The following PCNA variants were observed in gnomAD, a reference collection of about 807,000 sequenced individuals.
The protein encoded by PCNA is DNA sliding clamp PCNA.
PCNA carries 4 observed loss-of-function variants against 27.8 expected under a neutral mutation model. The observed-to-expected ratio is 0.14, with a 90% CI of 0.07 to 0.33. The LOEUF (loss-of-function observed/expected upper bound fraction) is 0.33. Among genes scored for constraint, PCNA ranks in the 10% least tolerant of loss-of-function variants. The probability of loss-of-function intolerance (pLI) is 1.00; values close to 1 mark genes in which losing one functional copy is unlikely to be tolerated. For missense variants in PCNA, 165 were observed against 327.4 expected, an observed-to-expected ratio of 0.50 and a Z score of 3.83; for synonymous variants, 121 against 119.4, an observed-to-expected ratio of 1.01 and a Z score of -0.09.
At chr20:5,123,217 G>A (rs907077910), upstream of PCNA, among the ~76,000 whole-genome samples, 3 of 152,206 alleles carry the variant, frequency 2.0e-5, no homozygotes, top group Non-Finnish European at 4.4e-5. Context: ...AGCTCTTGCA[G>A]GACTTTGTAG....
At chr20:5,124,836 CAT>C (rs758861279), upstream of PCNA, among the ~76,000 whole-genome samples, 14 of 152,100 alleles carry the variant, frequency 9.2e-5, no homozygotes, top group Admixed American at 7.2e-4. Flanking sequence ...GTTCAGACCA[CAT>C]GTTATCCATC....
chr20:5,121,432 C>T (rs1314722184), upstream of PCNA: 2 of 123,524 alleles, frequency 1.6e-5, no homozygotes, highest in Non-Finnish European at 3.2e-5. Context: ...TGACTCCATA[C>T]AAGGTTCTAA....
chr20:5,115,484 G>A lies in PCNA; in HGVS notation c.671C>T (p.Thr224Met), dbSNP rs878920538. ...ATCTGCAGACATACTGAGTGTCACC[G>A]TTGAAGAGAGTGGAGTGGCTTTTGT... ...FFTKATPLSS[T>M]VTLSMSADVP... The change falls in exon 5 of 6, where the codon ACG becomes ATG. Residue 224 changes from threonine to methionine, a missense_variant. By Grantham distance (81) the Thr-to-Met change is moderately conservative. Transcript: ENST00000379143. The A allele has an allele frequency of 1.9e-6, 3 of 1,613,848 alleles. No individual in the cohort carries two copies. The highest frequency in any genetic ancestry group is 1.3e-5 in the African/African-American group (1 of 74,936).
chr20:5,122,818 T>C (rs2090525571), upstream of PCNA, among the ~76,000 whole-genome samples: 3 of 152,356 alleles, frequency 2.0e-5, no homozygotes, highest in South Asian at 6.2e-4. Flanking sequence ...TGTAATAGAT[T>C]TGAAGACATT....
In PCNA at chr20:5,115,186, G is replaced by A; in HGVS notation, c.*97C>T. On this transcript the variant is annotated 3_prime_UTR_variant, in exon 6 of 6. Transcript: ENST00000379143. ...ACAATATCTACATATGTACTTAGAG[G>A]TACAAATTTGGTGACAGAAAAGACT... 2.5e-6 allele frequency: 2 copies of A among 805,012 alleles called. No homozygotes were observed. The highest frequency in any genetic ancestry group is 3.6e-4 in the Middle Eastern group (1 of 2,764). The allele number at this position is 805,012 out of a possible 1,614,324, so 49.9% of individuals were successfully genotyped here.
At position 5,117,616 on chromosome 20, in the gene PCNA, G is replaced by A. The variant is rs2090484242; in HGVS notation, c.436C>T (p.Arg146Cys). 1.2e-6 allele frequency: 2 copies of A among 1,613,602 alleles called. No individual in the cohort carries two copies. Among genetic ancestry groups the A allele is most frequent in the Non-Finnish European group, 1.7e-6 (2 of 1,179,762 alleles). The change falls in exon 4 of 6, where the codon CGT becomes TGT. Residue 146 changes from arginine (R) to cysteine (C), a missense_variant. Transcript: ENST00000379143. ...ATATGGCTGAGATCTCGGCATATAC[G>A]TGCAAATTCACCAGAAGGCATCTTT... is the stretch of plus-strand genomic sequence containing the variant. ...VVKMPSGEFA[R>C]ICRDLSHIGD...
At chr20:5,123,549 G>T (rs949416173), upstream of PCNA, among the ~76,000 whole-genome samples, 5 of 151,970 alleles carry the variant, frequency 3.3e-5, no homozygotes, top group African/African-American at 1.2e-4. Flanking sequence ...ACAAAAATTA[G>T]CTGGGCGTGG....
intron 1 of PCNA, 105 bp from the exon 2 acceptor site, chr20:5,118,971 C>G: frequency 1.4e-6 from 1 of 739,412 alleles, no homozygotes; most frequent in Admixed American, 2.2e-5. Context: ...CAGGCCGTCT[C>G]AGAACTGGTG....
At chr20:5,124,012 T>C (rs1036409436), upstream of PCNA, among the ~76,000 whole-genome samples, 7 of 152,192 alleles carry the variant, frequency 4.6e-5, no homozygotes, top group Admixed American at 6.5e-5. Context: ...GTATCTGGCC[T>C]CCACTGTCCA....
upstream of PCNA, among the ~76,000 whole-genome samples, chr20:5,120,198 G>T (rs1166446465): frequency 6.6e-6 from 1 of 152,248 alleles, no homozygotes; most frequent in Non-Finnish European, 1.5e-5. Flanking sequence ...CATATGTGGA[G>T]ATCGGGTCCC....
At chr20:5,124,617 G>A (rs1159839898), upstream of PCNA, among the ~76,000 whole-genome samples, 1 of 150,854 alleles carries the variant, frequency 6.6e-6, no homozygotes, top group Non-Finnish European at 1.5e-5. Context: ...GCAACAAGAG[G>A]GAAACTGTCT....
intron 4 of PCNA, among the ~76,000 whole-genome samples, chr20:5,115,781 T>G (rs575372628): frequency 3.9e-4 from 59 of 152,314 alleles, no homozygotes; most frequent in African/African-American, 1.3e-3. Context: ...TTATATAATA[T>G]GGGAAAGCTT....
chr20:5,120,096 T>C (rs1183193835), upstream of PCNA: 3 of 381,764 alleles, frequency 7.9e-6, no homozygotes, highest in Non-Finnish European at 1.5e-5. Flanking sequence ...CCCTAGAGCA[T>C]ACATTGGAGG....
chr20:5,115,617 C>T (rs1255117376), intron 4 of PCNA, 45 bp from the exon 5 acceptor site: 1 of 1,522,446 alleles, frequency 6.6e-7, no homozygotes, highest in Admixed American at 1.7e-5. Flanking sequence ...AAGAAAGTTG[C>T]AATCTATTAG....
chr20:5,118,536 A>G (rs2090492315), intron 3 of PCNA, 74 bp downstream of exon 3: 1 of 1,121,836 alleles, frequency 8.9e-7, no homozygotes, highest in African/African-American at 1.5e-5. Context: ...TGTCTGTAAA[A>G]ATAAACAAAC....
upstream of PCNA, among the ~76,000 whole-genome samples, chr20:5,124,466 C>T (rs2090533678): frequency 6.6e-6 from 1 of 151,948 alleles, no homozygotes; most frequent in Non-Finnish European, 1.5e-5. Flanking sequence ...CCTGTCTCTA[C>T]TAAAAATACA....
chr20:5,119,802 G>A lies in PCNA; in HGVS notation c.-4C>T. The A allele has an allele frequency of 6.4e-7, 1 of 1,559,096 alleles. No homozygotes were observed. The highest frequency in any genetic ancestry group is 8.7e-7 in the Non-Finnish European group (1 of 1,151,412). The stretch of plus-strand genomic sequence containing the variant: ...GGACCAGGCGCGCCTCGAACATGGT[G>A]GCGGAGTGGCAACAACGCCGCTACA... On this transcript the variant is annotated 5_prime_UTR_variant, in exon 1 of 6. Coordinates refer to ENST00000379143, the MANE Select transcript of PCNA (RefSeq NM_182649.2).
At chr20:5,115,964 A>T (rs1404483492) in intron 4 of PCNA, among the ~76,000 whole-genome samples, 1 of 151,984 alleles carries the variant, frequency 6.6e-6, no homozygotes, top group Non-Finnish European at 1.5e-5. Flanking sequence ...ACACACCACC[A>T]CCTATATTCT....
At chr20:5,117,213 C>T (rs2090481045) in intron 4 of PCNA, among the ~76,000 whole-genome samples, 1 of 152,176 alleles carries the variant, frequency 6.6e-6, no homozygotes, top group South Asian at 2.1e-4. Context: ...CCAATCCTAC[C>T]CTTAAGAGCC....
Sources: gnomAD v4.1 joint callset for allele counts (sites outside exome capture counted in the v4.1 genomes callset) on GRCh38, gnomAD v4.1.1 for gene constraint, MANE v1.5 for transcripts, NCBI Gene and HGNC (gene_info 2026-07-23, HGNC 2026-07-21) for gene names.